Variants in C6orf89 observed in about 807,000 individuals in gnomAD.
C6orf89 encodes bombesin receptor-activated protein C6orf89.
Under a neutral mutation model 40.7 loss-of-function variants are expected in C6orf89, and 29 were observed. The ratio of observed to expected loss-of-function variants is 0.71; its 90% CI spans 0.53 to 0.97. C6orf89 has a LOEUF of 0.97. C6orf89 is among the 50% of genes least tolerant of loss of function. The probability of loss-of-function intolerance (pLI) is 0.00; values close to 1 mark genes in which losing one functional copy is unlikely to be tolerated. For missense variants in C6orf89, 392 were observed against 429.1 expected (o/e 0.91, Z 0.76); for synonymous variants, 165 against 152.2 (o/e 1.08, Z -0.62).
chr6:36,923,666 G>T lies in C6orf89; in HGVS notation c.*225G>T. ...AGGAAGGATTCAGCCTGGCCACTTG[G>T]CTAGGACTCTGCCAGCACCCATCTG... On this transcript the variant is annotated 3_prime_UTR_variant, in exon 9 of 9. Transcript: ENST00000480824. The T allele has an allele frequency of 3.6e-6, 2 of 556,542 alleles. No individual in the cohort carries two copies. Among genetic ancestry groups the T allele is most frequent in the Non-Finnish European group, 3.4e-6 (1 of 295,392 alleles). 34.5% of individuals were successfully genotyped at this position (556,542 alleles called of 1,614,324 possible).
At chr6:36,908,174 TA>T (rs1271327294) in intron 4 of C6orf89, among the ~76,000 whole-genome samples, 3 of 152,222 alleles carry the variant, frequency 2.0e-5, no homozygotes, top group African/African-American at 7.2e-5. Flanking sequence ...TTCTTTCTTT[TA>T]AAGTTTGGGC....
At chr6:36,891,950 T>C (rs931965850) in intron 1 of C6orf89, among the ~76,000 whole-genome samples, 2 of 152,258 alleles carry the variant, frequency 1.3e-5, no homozygotes, top group African/African-American at 4.8e-5. Flanking sequence ...TACTTATCTC[T>C]ATAGAGGAAT....
At chr6:36,876,407 A>T (rs1774652439) in intron 1 of C6orf89, among the ~76,000 whole-genome samples, 1 of 152,138 alleles carries the variant, frequency 6.6e-6, no homozygotes, top group Non-Finnish European at 1.5e-5. Flanking sequence ...TAGCTGTAGG[A>T]GCGTGGAATG....
chr6:36,911,568 G>A (rs924491887), intron 4 of C6orf89, among the ~76,000 whole-genome samples: 2 of 151,950 alleles, frequency 1.3e-5, no homozygotes, highest in Non-Finnish European at 2.9e-5. Context: ...AGAGCTGCTC[G>A]GTGCTAGCCC....
chr6:36,903,797 C>T (rs1761821083), intron 4 of C6orf89, among the ~76,000 whole-genome samples: 1 of 152,026 alleles, frequency 6.6e-6, no homozygotes, highest in South Asian at 2.1e-4. Flanking sequence ...AAAATTGTAT[C>T]AAAATCAGAG....
intron 7 of C6orf89, 148 bp downstream of exon 7, chr6:36,916,722 G>A (rs898961831): frequency 3.3e-5 from 31 of 925,460 alleles, no homozygotes; most frequent in Non-Finnish European, 4.8e-5. Context: ...CTCCCCTCCT[G>A]CTGCTAGCCA....
At chr6:36,882,807 G>A (rs1041074403), upstream of C6orf89, among the ~76,000 whole-genome samples, 4 of 143,644 alleles carry the variant, frequency 2.8e-5, no homozygotes, top group East Asian at 2.1e-4. Flanking sequence ...GCGCAATCTC[G>A]GCTCACTGCA....
At position 36,911,838 on chromosome 6, in the gene C6orf89, G is replaced by A. The variant is rs140729739; in HGVS notation, c.404-2446G>A. Among the ~76,000 whole-genome samples the A allele has an allele frequency of 1.3e-3, 191 of 151,906 alleles. 1 individual carries two copies. The highest frequency in any genetic ancestry group is 2.5e-3 in the Non-Finnish European group (171 of 67,976). ...AACATTCACAGTAGTGCTCCTTGGG[G>A]CTGTAGATTTCATCTTCACTGCTTC... On this transcript the variant is annotated intron_variant, in intron 4 of 8. Transcript: ENST00000480824.
At chr6:36,922,859 G>T (rs1762558682) in intron 8 of C6orf89, among the ~76,000 whole-genome samples, 1 of 152,172 alleles carries the variant, frequency 6.6e-6, no homozygotes, top group Non-Finnish European at 1.5e-5. Context: ...CTGTCTTCTT[G>T]CTGTAAAAGC....
chr6:36,919,606 T>C lies in C6orf89; in HGVS notation c.854T>C (p.Ile285Thr), dbSNP rs199930841. 251 of 1,613,978 alleles carry C rather than the reference T, an allele frequency of 1.6e-4. No homozygotes were observed. The highest frequency in any genetic ancestry group is 7.0e-4 in the Admixed American group (42 of 59,994). The stretch of plus-strand genomic sequence containing the variant: ...CATAAGATGCCTGACCTATTTATCA[T>C]TGGCAGCGGTGAGGCCATGTTGCAG... ...KMHKMPDLFI[I>T]GSGEAMLQLI... Residue 285 changes from isoleucine to threonine, a missense_variant, in exon 8 of 9, where the codon ATT becomes ACT. Ile to Thr is a moderately conservative substitution (Grantham distance 89). Coordinates refer to ENST00000480824, the MANE Select transcript of C6orf89 (RefSeq NM_001286635.2).
intron 3 of C6orf89, among the ~76,000 whole-genome samples, chr6:36,901,322 T>TTTA (rs1761692742): frequency 4.4e-5 from 1 of 22,474 alleles, no homozygotes; most frequent in South Asian, 1.7e-3. Context: ...ATTATTATTA[T>TTTA]TTTTTTTTTT....
intron 1 of C6orf89, chr6:36,892,709 G>T (rs2150682496): frequency 6.6e-6 from 1 of 152,334 alleles, no homozygotes; most frequent in African/African-American, 2.4e-5. Context: ...ATCCGAGGTG[G>T]TGCATGATAC....
intron 8 of C6orf89, among the ~76,000 whole-genome samples, chr6:36,921,207 G>A (rs1227365631): frequency 6.7e-6 from 1 of 149,418 alleles, no homozygotes; most frequent in Non-Finnish European, 1.5e-5. Context: ...AGGAGAGCAA[G>A]TCTGGGAGAA....
intron 4 of C6orf89, among the ~76,000 whole-genome samples, chr6:36,913,093 G>A (rs943676809): frequency 2.0e-5 from 3 of 152,178 alleles, no homozygotes; most frequent in Admixed American, 1.3e-4. Context: ...GAACCTAGAC[G>A]AAATCCAAAA....
intron 7 of C6orf89, among the ~76,000 whole-genome samples, chr6:36,917,647 A>G (rs1415522729): frequency 6.6e-6 from 1 of 152,240 alleles, no homozygotes; most frequent in Non-Finnish European, 1.5e-5. Flanking sequence ...GCCTATAAAA[A>G]CAATCATTTT....
intron 4 of C6orf89, among the ~76,000 whole-genome samples, chr6:36,913,810 C>T (rs1762211622): frequency 1.3e-5 from 2 of 151,060 alleles, no homozygotes; most frequent in African/African-American, 4.8e-5. Flanking sequence ...TCAGAGGCTG[C>T]TTCATATATA....
chr6:36,902,173 A>G, intron 3 of C6orf89, 48 bp from the exon 4 acceptor site: 1 of 1,498,750 alleles, frequency 6.7e-7, no homozygotes, highest in Non-Finnish European at 9.3e-7. Flanking sequence ...TCTTGGTATT[A>G]AGGTATTTGT....
intron 4 of C6orf89, among the ~76,000 whole-genome samples, chr6:36,912,307 A>G (rs1257467666): frequency 6.6e-6 from 1 of 152,220 alleles, no homozygotes; most frequent in Non-Finnish European, 1.5e-5. Flanking sequence ...CAGTAATTAC[A>G]CAGTGAAAAT....
rs1762712824 is a variant in C6orf89, at chr6:36,927,276, C to T, written c.*3835C>T. 6.6e-6 allele frequency: 1 copy of T among 152,228 alleles called. No individual in the cohort carries two copies. Among genetic ancestry groups the T allele is most frequent in the African/African-American group, 2.4e-5 (1 of 41,456 alleles). 9.4% of individuals were successfully genotyped at this position (152,228 alleles called of 1,614,324 possible). ...GTACACTTACTTTAAAACAAAAACT[C>T]ACATTTCTTAGCTGCAGGTGATGGC... On this transcript the variant is annotated 3_prime_UTR_variant, in exon 9 of 9. Transcript: ENST00000480824.
Sources: gnomAD v4.1 joint callset for allele counts (sites outside exome capture counted in the v4.1 genomes callset) on GRCh38, gnomAD v4.1.1 for gene constraint, MANE v1.5 for transcripts, NCBI Gene and HGNC (gene_info 2026-07-23, HGNC 2026-07-21) for gene names.